The following ARL15 variants were observed in gnomAD, a reference collection of about 807,000 sequenced individuals.
ARL15 encodes the protein ADP-ribosylation factor-like protein 15.
In ARL15, 19 loss-of-function variants were observed where a neutral mutation model predicts 25.2. That is an observed-to-expected ratio of 0.75 (90% CI 0.53 to 1.10). ARL15 has a LOEUF of 1.10. Among genes scored for constraint, ARL15 ranks in the 50% least tolerant of loss-of-function variants. ARL15 has a pLI of 0.00. For missense variants in ARL15, 220 were observed against 246.0 expected (o/e 0.89, Z 0.71); for synonymous variants, 94 against 86.8 (o/e 1.08, Z -0.46).
At chr5:53,936,632 G>C (rs888718424) in intron 4 of ARL15, among the ~76,000 whole-genome samples, 1 of 152,230 alleles carries the variant, frequency 6.6e-6, no homozygotes, top group Non-Finnish European at 1.5e-5. Context: ...TGTGTTTAAA[G>C]TATCTGATAG....
rs1447634041 is a variant in ARL15 at position 53,885,658 on chromosome 5, A to T, written c.*903T>A. On this transcript the variant is annotated 3_prime_UTR_variant, in exon 5 of 5. Transcript: ENST00000504924. ...GCCATCTTAAACCCTAACCAGTATA[A>T]ATTATACTTTTTCTGGCTGTTTTTA... The T allele has an allele frequency of 1.3e-5, 2 of 152,562 alleles. No individual in the cohort carries two copies. Among genetic ancestry groups the T allele is most frequent in the African/African-American group, 4.8e-5 (2 of 41,426 alleles). 9.5% of individuals were successfully genotyped at this position (152,562 alleles called of 1,614,324 possible).
At chr5:53,934,422 A>G (rs994839062) in intron 4 of ARL15, among the ~76,000 whole-genome samples, 4 of 86,084 alleles carry the variant, frequency 4.6e-5, no homozygotes, top group South Asian at 4.4e-4. Flanking sequence ...GGAGGACAGC[A>G]TATAAATTGA....
intron 4 of ARL15, among the ~76,000 whole-genome samples, chr5:53,903,651 A>G (rs1745140443): frequency 6.6e-6 from 1 of 152,232 alleles, no homozygotes; most frequent in Non-Finnish European, 1.5e-5. Context: ...ACTCCCTGGA[A>G]CCAGGAGATT....
intron 4 of ARL15, among the ~76,000 whole-genome samples, chr5:54,040,251 A>G (rs898102009): frequency 3.3e-5 from 5 of 152,208 alleles, no homozygotes; most frequent in African/African-American, 1.2e-4. Flanking sequence ...AAAAGTGGTC[A>G]AGGGCATATC....
intron 4 of ARL15, among the ~76,000 whole-genome samples, chr5:54,075,793 T>C (rs934011659): frequency 1.3e-5 from 2 of 152,124 alleles, no homozygotes; most frequent in Non-Finnish European, 2.9e-5. Context: ...AGTCATATAG[T>C]TCATGTGGAG....
rs555443122 is a variant in ARL15, at chr5:54,271,983, G to A, written c.48+38449C>T. Among the ~76,000 whole-genome samples the A allele has an allele frequency of 2.7e-5, 4 of 150,300 alleles. No individual in the cohort carries two copies. The South Asian group carries it at 8.4e-4, about 32-fold the overall frequency. ...TTAAGACACAGGGCCTTTCTCTGTTGCTCCGGCTGGAATGCAGTGGTGTAA... is the reference window on the plus strand; with the variant it reads ...TTAAGACACAGGGCCTTTCTCTGTTACTCCGGCTGGAATGCAGTGGTGTAA... On this transcript the variant is annotated intron_variant, in intron 1 of 4. Transcript: ENST00000504924.
intron 4 of ARL15, among the ~76,000 whole-genome samples, chr5:53,979,375 A>C (rs1021753833): frequency 6.6e-6 from 1 of 152,048 alleles, no homozygotes; most frequent in African/African-American, 2.4e-5. Flanking sequence ...TCTACAAAAA[A>C]AATAAACAAA....
chr5:54,158,621 T>C (rs1362468167), intron 2 of ARL15, among the ~76,000 whole-genome samples: 2 of 152,212 alleles, frequency 1.3e-5, no homozygotes, highest in African/African-American at 4.8e-5. Flanking sequence ...ACGCCTGTAA[T>C]CCCAGCACTT....
intron 4 of ARL15, among the ~76,000 whole-genome samples, chr5:54,037,695 A>T (rs1416049448): frequency 1.3e-5 from 2 of 152,140 alleles, no homozygotes; most frequent in Non-Finnish European, 2.9e-5. Flanking sequence ...TTAATAATGA[A>T]ATGCTTAAGT....
chr5:54,175,680 T>G (rs1754851580), intron 1 of ARL15, among the ~76,000 whole-genome samples: 1 of 137,198 alleles, frequency 7.3e-6, no homozygotes, highest in Admixed American at 7.2e-5. Flanking sequence ...TTTAAGACAG[T>G]CTGTCTCTGT....
At chr5:54,305,426 C>T (rs1330770856) in intron 1 of ARL15, among the ~76,000 whole-genome samples, 1 of 151,888 alleles carries the variant, frequency 6.6e-6, no homozygotes, top group Non-Finnish European at 1.5e-5. Flanking sequence ...CCCCATTGCA[C>T]TCCAGCCTGC....
chr5:54,008,733 T>A lies in ARL15; in HGVS notation c.462+104469A>T, dbSNP rs563203047. 2.0e-5 allele frequency among the ~76,000 whole-genome samples: 3 copies of A among 152,378 alleles called. No individual in the cohort carries two copies. The East Asian group carries it at 5.8e-4, about 29-fold the overall frequency. On this transcript the variant is annotated intron_variant, in intron 4 of 4. Coordinates refer to ENST00000504924, the MANE Select transcript of ARL15 (RefSeq NM_019087.3). The stretch of plus-strand genomic sequence containing the variant: ...ATCTTTTCCCAGTCCCTGTGCTTCA[T>A]CCTTGTTTTCCCAAAATGTTTGTAA...
At chr5:53,973,826 T>C (rs999242371) in intron 4 of ARL15, among the ~76,000 whole-genome samples, 43 of 152,074 alleles carry the variant, frequency 2.8e-4, no homozygotes, top group Admixed American at 2.0e-4. Context: ...GAGCGGGCAA[T>C]TTTAAAAGGT....
intron 4 of ARL15, among the ~76,000 whole-genome samples, chr5:54,005,131 C>A (rs963711854): frequency 2.6e-5 from 4 of 152,078 alleles, no homozygotes; most frequent in Non-Finnish European, 2.9e-5. Context: ...GGATTACAGG[C>A]ATGAGCCACC....
chr5:53,886,874 A>G (rs1744543430), intron 4 of ARL15, among the ~76,000 whole-genome samples, 161 bp from the exon 5 acceptor site: 1 of 152,150 alleles, frequency 6.6e-6, no homozygotes, highest in African/African-American at 2.4e-5. Context: ...AGCTGTTGTT[A>G]TAATGTGGGT....
At chr5:53,937,657 T>C (rs1431659340) in intron 4 of ARL15, among the ~76,000 whole-genome samples, 1 of 152,174 alleles carries the variant, frequency 6.6e-6, no homozygotes, top group African/African-American at 2.4e-5. Context: ...AAAAACAGGC[T>C]TTACCATACA....
intron 4 of ARL15, among the ~76,000 whole-genome samples, chr5:53,936,148 A>G (rs980768419): frequency 6.6e-6 from 1 of 152,258 alleles, no homozygotes; most frequent in East Asian, 1.9e-4. Context: ...ATATATTGAC[A>G]TAATGAAACT....
In ARL15 at chr5:54,097,145, T is replaced by C. The variant is rs375582528; in HGVS notation, c.462+16057A>G. Among the ~76,000 whole-genome samples, 62 of 152,240 alleles carry C rather than the reference T, an allele frequency of 4.1e-4. No individual in the cohort carries two copies. The South Asian group carries it at 4.6e-3, about 11-fold the overall frequency. ...TCCTGGCCAACATGGTGAAACCTCG[T>C]CTGTACTAAAAATAGAAAACAATTA... is the stretch of plus-strand genomic sequence containing the variant. On this transcript the variant is annotated intron_variant, in intron 4 of 4. Coordinates refer to ENST00000504924, the MANE Select transcript of ARL15 (RefSeq NM_019087.3).
chr5:54,307,434 C>G (rs906964122), intron 1 of ARL15, among the ~76,000 whole-genome samples: 2 of 152,126 alleles, frequency 1.3e-5, no homozygotes, highest in African/African-American at 4.8e-5. Flanking sequence ...TCAGGCACCG[C>G]ACCAGGTGAT....
Sources: gnomAD v4.1 joint callset for allele counts (sites outside exome capture counted in the v4.1 genomes callset) on GRCh38, gnomAD v4.1.1 for gene constraint, MANE v1.5 for transcripts, NCBI Gene and HGNC (gene_info 2026-07-23, HGNC 2026-07-21) for gene names.